DCC: variants seen among roughly 807,000 people sequenced by gnomAD.
DCC encodes the protein netrin receptor DCC.
A neutral mutation model predicts 172.5 loss-of-function variants in DCC; 58 were observed. That is an observed-to-expected ratio of 0.34 (90% CI 0.27 to 0.42). DCC has a LOEUF of 0.42. Ranked by LOEUF, DCC falls within the 10% of genes least tolerant of loss-of-function variation. The pLI, the probability that DCC is intolerant of heterozygous loss-of-function variation, is 1.00. For missense variants in DCC, 1,740 were observed against 1,791.0 expected, an observed-to-expected ratio of 0.97 and a Z score of 0.51; for synonymous variants, 709 against 644.5, an observed-to-expected ratio of 1.10 and a Z score of -1.52.
chr18:53,338,566 A>C (rs146621105), intron 14 of DCC, among the ~76,000 whole-genome samples: 1 of 152,186 alleles, frequency 6.6e-6, no homozygotes, highest in Non-Finnish European at 1.5e-5. Flanking sequence ...GTGCCACTGC[A>C]CTCTAGCCTG....
chr18:53,278,886 A>T (rs2056835905), intron 12 of DCC, among the ~76,000 whole-genome samples: 1 of 152,156 alleles, frequency 6.6e-6, no homozygotes, highest in Non-Finnish European at 1.5e-5. Context: ...ACAGCTGTTA[A>T]GTGTTGGAAT....
intron 11 of DCC, among the ~76,000 whole-genome samples, chr18:53,214,504 A>T (rs2055814635): frequency 6.6e-6 from 1 of 152,178 alleles, no homozygotes; most frequent in Non-Finnish European, 1.5e-5. Flanking sequence ...AGTACTCTAT[A>T]GAAAAACATA....
At chr18:52,497,275 AAAAAAATATATATATATAT>A (rs2030805609) in intron 1 of DCC, among the ~76,000 whole-genome samples, 1 of 44,286 alleles carries the variant, frequency 2.3e-5, no homozygotes, top group Non-Finnish European at 4.5e-5. Flanking sequence ...AAAAAAAAAA[AAAAAAATATATATATATAT>A]ATATATATAT....
chr18:52,840,997 C>A (rs1390144088), intron 2 of DCC, among the ~76,000 whole-genome samples: 3 of 151,958 alleles, frequency 2.0e-5, no homozygotes, highest in East Asian at 3.9e-4. Context: ...GATACAATGA[C>A]TGGGTGTGGA....
intron 5 of DCC, among the ~76,000 whole-genome samples, chr18:52,995,655 G>A (rs1448256893): frequency 2.6e-5 from 4 of 151,894 alleles, no homozygotes; most frequent in Non-Finnish European, 5.9e-5. Flanking sequence ...CCCTAGAATG[G>A]TGTCTCCAGC....
At chr18:52,645,502 T>TA (rs1031526537) in intron 1 of DCC, among the ~76,000 whole-genome samples, 3 of 152,166 alleles carry the variant, frequency 2.0e-5, no homozygotes, top group Admixed American at 6.5e-5. Context: ...CTGAAAATTT[T>TA]AAAAAACAGC....
chr18:53,198,103 G>A (rs892423321), intron 9 of DCC, among the ~76,000 whole-genome samples: 4 of 152,030 alleles, frequency 2.6e-5, no homozygotes, highest in Non-Finnish European at 5.9e-5. Flanking sequence ...ATGTTTTCCT[G>A]TTATAAAGTA....
At chr18:53,302,847 T>A (rs995719105) in intron 12 of DCC, among the ~76,000 whole-genome samples, 1 of 152,192 alleles carries the variant, frequency 6.6e-6, no homozygotes, top group Non-Finnish European at 1.5e-5. Context: ...TCATGTTTTA[T>A]GTGACCTGCT....
chr18:53,339,659 G>A (rs190020997), intron 14 of DCC, 54 bp from the exon 15 acceptor site: 82 of 1,363,540 alleles, frequency 6.0e-5, no homozygotes, highest in Admixed American at 2.3e-4. Context: ...GTGTTCTGCC[G>A]TGCTACATTT....
At chr18:53,347,380 A>AGCCAGTG (rs1399867464) in intron 15 of DCC, among the ~76,000 whole-genome samples, 1 of 152,154 alleles carries the variant, frequency 6.6e-6, no homozygotes, top group African/African-American at 2.4e-5. Flanking sequence ...TCTTGTTTAG[A>AGCCAGTG]GCCAGTGGCT....
At chr18:52,546,849 G>A (rs2032631515) in intron 1 of DCC, among the ~76,000 whole-genome samples, 1 of 152,102 alleles carries the variant, frequency 6.6e-6, no homozygotes, top group Admixed American at 6.6e-5. Flanking sequence ...GGAACTGCAT[G>A]TAGCTTGGGG....
chr18:53,530,039 CA>C (rs112242542), intron 28 of DCC, among the ~76,000 whole-genome samples: 62 of 150,588 alleles, frequency 4.1e-4, no homozygotes, highest in Middle Eastern at 3.4e-3. Context: ...TTCTCACATA[CA>C]AAAAAAAATG....
intron 2 of DCC, among the ~76,000 whole-genome samples, chr18:52,883,159 G>A (rs1430821975): frequency 6.6e-6 from 1 of 151,824 alleles, no homozygotes; most frequent in Non-Finnish European, 1.5e-5. Flanking sequence ...GGTGAGATGT[G>A]GTTCTTGTGG....
At chr18:52,947,455 G>A (rs1050177650) in intron 5 of DCC, among the ~76,000 whole-genome samples, 3 of 152,144 alleles carry the variant, frequency 2.0e-5, no homozygotes, top group Non-Finnish European at 4.4e-5. Flanking sequence ...AGTTGGACTT[G>A]AGGGGTAGTA....
chr18:52,348,759 T>C (rs1983989455), intron 1 of DCC, among the ~76,000 whole-genome samples: 1 of 152,210 alleles, frequency 6.6e-6, no homozygotes, highest in Non-Finnish European at 1.5e-5. Flanking sequence ...CTTTACCATG[T>C]TGACTCTGGC....
intron 12 of DCC, among the ~76,000 whole-genome samples, chr18:53,267,656 G>A (rs572517259): frequency 1.9e-4 from 29 of 151,970 alleles, no homozygotes; most frequent in African/African-American, 6.8e-4. Context: ...TGTACAGACG[G>A]GGTCACACCA....
Position 52,936,026 on chromosome 18 carries a change from C to G in DCC, c.985+10656C>G, listed in dbSNP as rs537876856. On this transcript the variant is annotated intron_variant, in intron 5 of 28. Transcript: ENST00000442544. Reference sequence around the variant, plus strand: ...TGATTATCCTCTACAATGTAATTACCAAATGAATCATACTGAAATGAGTTA... The same window carrying G: ...TGATTATCCTCTACAATGTAATTACGAAATGAATCATACTGAAATGAGTTA... 1.2e-3 allele frequency among the ~76,000 whole-genome samples: 185 copies of G among 152,042 alleles called. 1 individual carries two copies. The highest frequency in any genetic ancestry group is 4.2e-3 in the African/African-American group (175 of 41,484).
chr18:52,417,252 T>C (rs1987070631), intron 1 of DCC, among the ~76,000 whole-genome samples: 1 of 152,234 alleles, frequency 6.6e-6, no homozygotes, highest in Non-Finnish European at 1.5e-5. Flanking sequence ...GCTGTTAGTC[T>C]GATGGGCTTC....
chr18:52,456,069 G>A (rs772910281), intron 1 of DCC, among the ~76,000 whole-genome samples: 3 of 152,240 alleles, frequency 2.0e-5, no homozygotes, highest in East Asian at 3.9e-4. Context: ...GTGCTGCATC[G>A]TATCAAGGTA....
Sources: gnomAD v4.1 joint callset for allele counts (sites outside exome capture counted in the v4.1 genomes callset) on GRCh38, gnomAD v4.1.1 for gene constraint, MANE v1.5 for transcripts, NCBI Gene and HGNC (gene_info 2026-07-23, HGNC 2026-07-21) for gene names.